Variants in TMEM117 observed in about 807,000 individuals in gnomAD.
The protein encoded by TMEM117 is transmembrane protein 117.
Under a neutral mutation model 52.4 loss-of-function variants are expected in TMEM117, and 27 were observed. That is an observed-to-expected ratio of 0.51 (90% CI 0.38 to 0.71). TMEM117 has a LOEUF of 0.71. TMEM117 is among the 30% of genes least tolerant of loss of function. TMEM117 has a pLI of 0.00. For synonymous variants in TMEM117, 215 were observed against 206.3 expected, an observed-to-expected ratio of 1.04 and a Z score of -0.36; for missense variants, 556 against 630.5, an observed-to-expected ratio of 0.88 and a Z score of 1.26.
chr12:44,142,978 T>C (rs2138199053), intron 3 of TMEM117, among the ~76,000 whole-genome samples: 1 of 152,324 alleles, frequency 6.6e-6, no homozygotes, highest in Admixed American at 6.5e-5. Flanking sequence ...ATTTCAGTAA[T>C]AATTTAAATC....
At chr12:43,858,094 G>C (rs1411825706) in intron 2 of TMEM117, among the ~76,000 whole-genome samples, 1 of 152,196 alleles carries the variant, frequency 6.6e-6, no homozygotes, top group Non-Finnish European at 1.5e-5. Context: ...ATCTGATTTT[G>C]AGTATCACAG....
chr12:44,073,037 C>T (rs988246315), intron 3 of TMEM117, among the ~76,000 whole-genome samples: 3 of 151,874 alleles, frequency 2.0e-5, no homozygotes, highest in Non-Finnish European at 4.4e-5. Context: ...TTGCAGTGAG[C>T]TGAGGTCGTA....
chr12:44,316,427 T>C (rs1951055551), intron 6 of TMEM117, among the ~76,000 whole-genome samples: 3 of 152,198 alleles, frequency 2.0e-5, no homozygotes, highest in African/African-American at 7.2e-5. Context: ...TTCTGGCTTG[T>C]AATATTTCAG....
chr12:43,810,146 A>G, the TMEM117 span, among the ~76,000 whole-genome samples: 3 of 152,222 alleles, frequency 2.0e-5, no homozygotes. Flanking sequence ...GGAAAGCACA[A>G]AGCAACCAGC....
At chr12:44,246,247 C>T (rs903089108) in intron 5 of TMEM117, among the ~76,000 whole-genome samples, 2 of 151,870 alleles carry the variant, frequency 1.3e-5, no homozygotes, top group African/African-American at 2.4e-5. Context: ...TTTAGTTTTC[C>T]CTCCCTAGTA....
intron 6 of TMEM117, among the ~76,000 whole-genome samples, chr12:44,344,527 C>T (rs555421399): frequency 7.2e-5 from 11 of 151,992 alleles, no homozygotes; most frequent in Middle Eastern, 6.8e-3. Context: ...CAGGTGGTCA[C>T]GCAAGGAGGT....
At chr12:44,128,603 A>C (rs1471559448) in intron 3 of TMEM117, among the ~76,000 whole-genome samples, 2 of 152,128 alleles carry the variant, frequency 1.3e-5, no homozygotes, top group African/African-American at 4.8e-5. Context: ...AGGCATCCTA[A>C]GTGGCTTTTC....
In TMEM117 at chr12:43,969,356, T is replaced by TAA. The variant is rs1166788465; in HGVS notation, c.410+25030_410+25031dup. On this transcript the variant is annotated intron_variant, in intron 3 of 7. Coordinates refer to ENST00000266534, the MANE Select transcript of TMEM117 (RefSeq NM_032256.3). Reference sequence around the variant, plus strand: ...CAAGATGGTGAAACCCCGTCTCTACTAAAAAAAAAAAAAAAAATTAGCCAG... The same window carrying TAA: ...CAAGATGGTGAAACCCCGTCTCTACTAAAAAAAAAAAAAAAAAAATTAGCCAG... 1.1e-4 allele frequency among the ~76,000 whole-genome samples: 9 copies of TAA among 79,556 alleles called. 1 individual carries two copies. Among genetic ancestry groups the TAA allele is most frequent in the African/African-American group, 6.5e-4 (9 of 13,896 alleles). The allele number at this position is 79,556 out of a possible 152,430, so 52.2% of individuals were successfully genotyped here.
intron 6 of TMEM117, among the ~76,000 whole-genome samples, chr12:44,312,806 G>A (rs1951007728): frequency 6.6e-6 from 1 of 152,158 alleles, no homozygotes; most frequent in South Asian, 2.1e-4. Flanking sequence ...CATTCTGACA[G>A]ATGTGAGATG....
chr12:43,883,078 G>T (rs1330540409), intron 2 of TMEM117, among the ~76,000 whole-genome samples: 2 of 151,978 alleles, frequency 1.3e-5, no homozygotes, highest in African/African-American at 4.8e-5. Context: ...GGTGGTTTTT[G>T]TATCCATTAT....
At chr12:43,874,048 T>G (rs1364024616) in intron 2 of TMEM117, among the ~76,000 whole-genome samples, 1 of 152,176 alleles carries the variant, frequency 6.6e-6, no homozygotes, top group South Asian at 2.1e-4. Context: ...TTTAACTCCC[T>G]TCTTTTCATT....
upstream of TMEM117, among the ~76,000 whole-genome samples, chr12:43,834,317 G>C (rs985775280): frequency 1.3e-5 from 2 of 152,136 alleles, no homozygotes; most frequent in African/African-American, 4.8e-5. Flanking sequence ...AAGCACAGTG[G>C]AATATAATGA....
At chr12:43,971,091 C>A (rs538985164) in intron 3 of TMEM117, among the ~76,000 whole-genome samples, 41 of 152,224 alleles carry the variant, frequency 2.7e-4, no homozygotes, top group Middle Eastern at 3.4e-3. Flanking sequence ...GTGTGTTGTT[C>A]ATTCTTTTTT....
intron 4 of TMEM117, among the ~76,000 whole-genome samples, chr12:44,197,679 A>G (rs1949439495): frequency 6.6e-6 from 1 of 152,176 alleles, no homozygotes; most frequent in African/African-American, 2.4e-5. Context: ...AACTCTGCAG[A>G]ACTTGCCTGG....
chr12:43,993,112 A>G (rs1345676936), intron 3 of TMEM117, among the ~76,000 whole-genome samples: 1 of 152,260 alleles, frequency 6.6e-6, no homozygotes, highest in Non-Finnish European at 1.5e-5. Context: ...GTGATACTTT[A>G]GCTAAAGTCT....
At chr12:44,362,952 A>G (rs996431318) in intron 6 of TMEM117, among the ~76,000 whole-genome samples, 1 of 151,952 alleles carries the variant, frequency 6.6e-6, no homozygotes, top group African/African-American at 2.4e-5. Flanking sequence ...TCCCAGGTTC[A>G]AGTGATTCTC....
chr12:43,901,662 A>G (rs962079479), intron 2 of TMEM117, among the ~76,000 whole-genome samples: 1 of 152,228 alleles, frequency 6.6e-6, no homozygotes, highest in East Asian at 1.9e-4. Flanking sequence ...AGAAAATTAT[A>G]AAGTGAAACT....
chr12:44,010,142 G>A, intron 3 of TMEM117: 2 of 513,284 alleles, frequency 3.9e-6, no homozygotes, highest in Non-Finnish European at 7.8e-6. Flanking sequence ...TCTCATCATT[G>A]TTTGCTCTAG....
At chr12:44,115,653 A>G (rs1719933982) in intron 3 of TMEM117, among the ~76,000 whole-genome samples, 1 of 152,130 alleles carries the variant, frequency 6.6e-6, no homozygotes, top group African/African-American at 2.4e-5. Flanking sequence ...GGCTGTTTCT[A>G]CAATTTTCAA....
Sources: gnomAD v4.1 joint callset for allele counts (sites outside exome capture counted in the v4.1 genomes callset) on GRCh38, gnomAD v4.1.1 for gene constraint, MANE v1.5 for transcripts, NCBI Gene and HGNC (gene_info 2026-07-23, HGNC 2026-07-21) for gene names.